NWD2: variants seen among roughly 807,000 people sequenced by gnomAD.
NWD2 encodes the protein NACHT and WD repeat domain-containing protein 2.
In NWD2, 37 loss-of-function variants were observed where a neutral mutation model predicts 132.7. That is an observed-to-expected ratio of 0.28 (90% confidence interval 0.21 to 0.37). The LOEUF is 0.37. Among genes scored for constraint, NWD2 ranks in the 10% least tolerant of loss-of-function variants. The pLI, the probability that NWD2 is intolerant of heterozygous loss-of-function variation, is 1.00. For missense variants in NWD2, 1,592 were observed against 2,122.4 expected (o/e 0.75, Z 4.91); for synonymous variants, 705 against 803.0 (o/e 0.88, Z 2.06).
chr4:37,296,363 G>T (rs1282774670), intron 1 of NWD2, among the ~76,000 whole-genome samples: 1 of 152,254 alleles, frequency 6.6e-6, no homozygotes, highest in South Asian at 2.1e-4. Context: ...TTATGTTATT[G>T]ATTGCTCGAT....
intron 3 of NWD2, among the ~76,000 whole-genome samples, chr4:37,401,945 T>C (rs1451478529): frequency 6.6e-6 from 1 of 152,210 alleles, no homozygotes; most frequent in Non-Finnish European, 1.5e-5. Context: ...CCTCCCAAAT[T>C]CATGCTGAAA....
chr4:37,358,089 T>C (rs1719906711), intron 3 of NWD2, among the ~76,000 whole-genome samples: 1 of 152,180 alleles, frequency 6.6e-6, no homozygotes, highest in Non-Finnish European at 1.5e-5. Flanking sequence ...AGAAGACTAT[T>C]GTTATGGCTC....
intron 1 of NWD2, among the ~76,000 whole-genome samples, chr4:37,274,189 C>CG (rs1180495157): frequency 6.6e-6 from 1 of 151,762 alleles, no homozygotes; most frequent in East Asian, 1.9e-4. Context: ...GCTAGCAAGA[C>CG]TAATAAAGAA....
intron 1 of NWD2, among the ~76,000 whole-genome samples, chr4:37,264,554 T>C (rs569282222): frequency 1.2e-4 from 19 of 152,276 alleles, no homozygotes; most frequent in African/African-American, 4.6e-4. Flanking sequence ...TTTCAATCTG[T>C]ATTTGAAAGC....
intron 3 of NWD2, among the ~76,000 whole-genome samples, chr4:37,392,339 G>T (rs1458794893): frequency 6.6e-6 from 1 of 152,208 alleles, no homozygotes; most frequent in Non-Finnish European, 1.5e-5. Context: ...GATAAAACAT[G>T]ATCATTGAAT....
chr4:37,309,470 T>A (rs920348369), intron 1 of NWD2, among the ~76,000 whole-genome samples: 2 of 152,128 alleles, frequency 1.3e-5, no homozygotes, highest in Non-Finnish European at 2.9e-5. Context: ...CTGGATTGGA[T>A]AATGATAAGG....
In NWD2 at chr4:37,445,545, G is replaced by T; in HGVS notation, c.3557G>T (p.Arg1186Leu). 3.2e-6 allele frequency: 5 copies of T among 1,552,102 alleles called. No homozygotes were observed. The highest frequency in any genetic ancestry group is 4.4e-6 in the Non-Finnish European group (5 of 1,147,096). Residue 1186 changes from arginine (R) to leucine (L), a missense_variant, in exon 7 of 7, where the codon CGA (arginine) becomes CTA (leucine). By Grantham distance (102) the Arg-to-Leu change is moderately radical (BLOSUM62 -2). This residue lies in a region of NWD2 where 1,071 missense variants were observed against 1,398.0 expected (regional missense o/e 0.77). Coordinates refer to ENST00000309447, the MANE Select transcript of NWD2 (RefSeq NM_001144990.2). This position sits in a 1 kb window ranked among gnomAD's most constrained non-coding sequence, Gnocchi z 4.7. ...CAGCTGACTGATGACTTTGATTGCCGAAGAGAAGACAGTGAGGTGGTCAGC... is the reference window on the plus strand; with the variant it reads ...CAGCTGACTGATGACTTTGATTGCCTAAGAGAAGACAGTGAGGTGGTCAGC... ...SPQLTDDFDC[R>L]REDSEVVSIE...
rs187807555 is a variant in NWD2 at position 37,312,458 on chromosome 4, G to T, written c.152-13478G>T. Among the ~76,000 whole-genome samples, 3 of 151,184 alleles carry T rather than the reference G, an allele frequency of 2.0e-5. 1 individual carries two copies. Among genetic ancestry groups the T allele is most frequent in the African/African-American group, 7.4e-5 (3 of 40,488 alleles). On this transcript the variant is annotated intron_variant, in intron 1 of 6. Coordinates refer to ENST00000309447, the MANE Select transcript of NWD2 (RefSeq NM_001144990.2). ...CTGTTATTGGTGTATAGGAATGCTT[G>T]TGATTTTTATACATCGATTTTGTAT... is the stretch of plus-strand genomic sequence containing the variant.
intron 2 of NWD2, among the ~76,000 whole-genome samples, chr4:37,338,758 T>G (rs1373070265): frequency 6.6e-6 from 1 of 152,226 alleles, no homozygotes; most frequent in Non-Finnish European, 1.5e-5. Context: ...CCGTTTCTTC[T>G]CTCACCACAG....
intron 1 of NWD2, among the ~76,000 whole-genome samples, chr4:37,296,259 T>C (rs533186664): frequency 6.6e-6 from 1 of 152,304 alleles, no homozygotes; most frequent in South Asian, 2.1e-4. Flanking sequence ...TAAGCTGCAT[T>C]CAGGCATGAG....
intron 5 of NWD2, among the ~76,000 whole-genome samples, chr4:37,435,627 C>T (rs1712301429): frequency 6.6e-6 from 1 of 151,976 alleles, no homozygotes. Flanking sequence ...GTAAAAAACA[C>T]CAGTCTGGGG....
Position 37,447,509 on chromosome 4 carries a change from A to C in NWD2, c.*292A>C. On this transcript the variant is annotated 3_prime_UTR_variant, in exon 7 of 7. Transcript: ENST00000309447. ...GCTGTGTGGTGAGGCAGCATAATAC[A>C]TCCCACTGGTTAAGATGAGAGAGGC... 2.5e-6 allele frequency: 1 copy of C among 403,568 alleles called. No homozygotes were observed. 25.0% of individuals were successfully genotyped at this position (403,568 alleles called of 1,614,324 possible).
chr4:37,291,200 CTT>C (rs1342586020), intron 1 of NWD2, among the ~76,000 whole-genome samples: 10 of 152,122 alleles, frequency 6.6e-5, no homozygotes, highest in Middle Eastern at 3.4e-3. Context: ...CTTTGTACCT[CTT>C]TGATTTTCTT....
chr4:37,259,236 T>C (rs1717582596), intron 1 of NWD2, among the ~76,000 whole-genome samples: 1 of 152,188 alleles, frequency 6.6e-6, no homozygotes, highest in African/African-American at 2.4e-5. Context: ...AACTCTATGT[T>C]TTATATCTTA....
chr4:37,433,848 C>T (rs745679080), intron 4 of NWD2, 28 bp from the exon 5 acceptor site: 2 of 1,488,958 alleles, frequency 1.3e-6, no homozygotes, highest in Non-Finnish European at 1.8e-6. Flanking sequence ...GATTGTAAGA[C>T]TAATTTCTCC....
At chr4:37,438,761 T>C in intron 5 of NWD2, 40 bp from the exon 6 acceptor site, 1 of 1,394,288 alleles carries the variant, frequency 7.2e-7, no homozygotes, top group Non-Finnish European at 9.7e-7. Flanking sequence ...TGTTGCTCCT[T>C]TGTTCTAAGC....
At chr4:37,364,086 C>T (rs1720037831) in intron 3 of NWD2, among the ~76,000 whole-genome samples, 1 of 152,138 alleles carries the variant, frequency 6.6e-6, no homozygotes, top group African/African-American at 2.4e-5. Context: ...TGCAGTGAGC[C>T]AAGATCACAC....
At chr4:37,367,951 A>G (rs2109304510) in intron 3 of NWD2, among the ~76,000 whole-genome samples, 1 of 152,248 alleles carries the variant, frequency 6.6e-6, no homozygotes, top group Non-Finnish European at 1.5e-5. Context: ...GCTATAATGA[A>G]GTCTAGAACC....
At chr4:37,352,101 A>G (rs568646507) in intron 2 of NWD2, among the ~76,000 whole-genome samples, 16 of 152,244 alleles carry the variant, frequency 1.1e-4, no homozygotes, top group African/African-American at 2.9e-4. Context: ...ACTTCCAATT[A>G]TGGGGTCAAT....
Sources: gnomAD v4.1 joint callset for allele counts (sites outside exome capture counted in the v4.1 genomes callset) on GRCh38, gnomAD v4.1.1 for gene constraint, gnomAD v4.1.1 regional missense constraint, Gnocchi (gnomAD v3.1) non-coding constraint, MANE v1.5 for transcripts, NCBI Gene and HGNC (gene_info 2026-07-23, HGNC 2026-07-21) for gene names.